EGFLAM: variants seen among roughly 807,000 people sequenced by gnomAD.
EGFLAM encodes the protein EGF like, fibronectin type III and laminin G domains, also known as pikachurin.
In EGFLAM, 79 loss-of-function variants were observed where a neutral mutation model predicts 113.1. That is an observed-to-expected ratio of 0.70 (90% CI 0.58 to 0.84). EGFLAM has a LOEUF of 0.84. Ranked by LOEUF, EGFLAM falls within the 40% of genes least tolerant of loss-of-function variation. The pLI, the probability that EGFLAM is intolerant of heterozygous loss-of-function variation, is 0.00. For synonymous variants in EGFLAM, 504 were observed against 487.6 expected (o/e 1.03, Z -0.44); for missense variants, 1,265 against 1,291.6 (o/e 0.98, Z 0.32).
In EGFLAM at chr5:38,353,440, C is replaced by T. The variant is rs148905117; in HGVS notation, c.545+1109C>T. Reference sequence around the variant, plus strand: ...TTCTGCATTCATAAAGAGACTGGTTCGGGACCTCATTCCTAAGGCTCTCTG... The same window carrying T: ...TTCTGCATTCATAAAGAGACTGGTTTGGGACCTCATTCCTAAGGCTCTCTG... On this transcript the variant is annotated intron_variant, in intron 5 of 21. Transcript: ENST00000322350. Among the ~76,000 whole-genome samples, 1,205 of 152,264 alleles carry T rather than the reference C, an allele frequency of 7.9e-3. 12 individuals are homozygous for T. Among genetic ancestry groups the T allele is most frequent in the African/African-American group, 0.027 (1,120 of 41,566 alleles).
At chr5:38,336,837 C>T (rs1252320610) in intron 1 of EGFLAM, among the ~76,000 whole-genome samples, 1 of 152,066 alleles carries the variant, frequency 6.6e-6, no homozygotes, top group Non-Finnish European at 1.5e-5. Context: ...TACACACACA[C>T]ACAAACACTT....
chr5:38,323,768 G>T (rs1738800692), intron 1 of EGFLAM, among the ~76,000 whole-genome samples: 1 of 151,942 alleles, frequency 6.6e-6, no homozygotes, highest in South Asian at 2.1e-4. Context: ...AGTTTTTTCG[G>T]CCAGGCACAG....
At chr5:38,334,345 C>G (rs1239034638) in intron 1 of EGFLAM, among the ~76,000 whole-genome samples, 1 of 152,284 alleles carries the variant, frequency 6.6e-6, no homozygotes, top group East Asian at 1.9e-4. Context: ...GCAGACAAGT[C>G]TAAGACCAAG....
intron 19 of EGFLAM, among the ~76,000 whole-genome samples, chr5:38,454,511 T>C (rs1380918768): frequency 6.6e-6 from 1 of 152,208 alleles, no homozygotes; most frequent in Non-Finnish European, 1.5e-5. Context: ...AAAATTATGA[T>C]CCTTGCTCAA....
At chr5:38,305,033 G>A (rs529437323) in intron 1 of EGFLAM, among the ~76,000 whole-genome samples, 1 of 152,120 alleles carries the variant, frequency 6.6e-6, no homozygotes, top group African/African-American at 2.4e-5. Context: ...AAAAAATAAA[G>A]AGATGGCAAA....
intron 1 of EGFLAM, among the ~76,000 whole-genome samples, chr5:38,299,181 C>T (rs1321369832): frequency 1.3e-5 from 2 of 152,154 alleles, no homozygotes; most frequent in Non-Finnish European, 2.9e-5. Context: ...TGTGCTGCCC[C>T]TCGGCTATGG....
rs969089179 is a variant in EGFLAM at position 38,289,277 on chromosome 5, C to G, written c.97+30426C>G. ...TGGCAATTACTCTTTCTTTCCCCGC[C>G]CCCACATTTCAGTTTCCAGGTCTTA... On this transcript the variant is annotated intron_variant, in intron 1 of 21. Transcript: ENST00000322350. Among the ~76,000 whole-genome samples, 26 of 146,530 alleles carry G rather than the reference C, an allele frequency of 1.8e-4. 1 individual carries two copies. The East Asian group carries it at 2.9e-3, about 16-fold the overall frequency.
chr5:38,403,926 T>C (rs1325162696), intron 6 of EGFLAM: 1 of 1,613,606 alleles, frequency 6.2e-7, no homozygotes, highest in South Asian at 1.1e-5. Flanking sequence ...GAATTTTCAG[T>C]TGACAGGTGG....
chr5:38,288,202 A>G (rs1372584336), intron 1 of EGFLAM, among the ~76,000 whole-genome samples: 1 of 152,198 alleles, frequency 6.6e-6, no homozygotes, highest in African/African-American at 2.4e-5. Flanking sequence ...TGGTCTGCAG[A>G]TTTAAAAAAA....
chr5:38,433,769 G>T (rs1335396243), intron 15 of EGFLAM, among the ~76,000 whole-genome samples: 1 of 152,198 alleles, frequency 6.6e-6, no homozygotes, highest in Admixed American at 6.5e-5. Flanking sequence ...TGTGGTGACA[G>T]TTCCTGACTG....
intron 17 of EGFLAM, among the ~76,000 whole-genome samples, chr5:38,440,273 T>C (rs1742490779): frequency 6.6e-6 from 1 of 152,172 alleles, no homozygotes; most frequent in Admixed American, 6.5e-5. Context: ...AGATTGTGTT[T>C]TGAAATCAAG....
chr5:38,263,987 A>G (rs1203807450), intron 1 of EGFLAM, among the ~76,000 whole-genome samples: 1 of 152,158 alleles, frequency 6.6e-6, no homozygotes, highest in Admixed American at 6.5e-5. Flanking sequence ...CCTATGCAGT[A>G]GATAGGGTAT....
At chr5:38,293,338 T>G (rs1178054770) in intron 1 of EGFLAM, among the ~76,000 whole-genome samples, 2 of 152,186 alleles carry the variant, frequency 1.3e-5, no homozygotes, top group Non-Finnish European at 2.9e-5. Flanking sequence ...GTAAAGTAAA[T>G]TAAATAAGGA....
chr5:38,286,911 GGCCTGGCCAGA>G (rs1250077106), intron 1 of EGFLAM, among the ~76,000 whole-genome samples: 3 of 152,178 alleles, frequency 2.0e-5, no homozygotes, highest in Non-Finnish European at 2.9e-5. Context: ...GAACACAGCA[GGCCTGGCCAGA>G]GCCTACCACA....
chr5:38,259,959 A>G (rs1303944224), intron 1 of EGFLAM, among the ~76,000 whole-genome samples: 1 of 152,212 alleles, frequency 6.6e-6, no homozygotes, highest in Non-Finnish European at 1.5e-5. Context: ...GACTTGTTGC[A>G]TTTCGGCTCT....
At position 38,436,037 on chromosome 5, in the gene EGFLAM, C is replaced by T. The variant is rs553425996; in HGVS notation, c.2283+784C>T. On this transcript the variant is annotated intron_variant, in intron 16 of 21. Coordinates refer to ENST00000322350, the MANE Select transcript of EGFLAM (RefSeq NM_152403.4). ...TTCACCATGTTGGCCAGGCTGGTCT[C>T]GAACTCCTGACCTTGTGATCTGCCC... is the stretch of plus-strand genomic sequence containing the variant. Among the ~76,000 whole-genome samples the T allele has an allele frequency of 3.9e-5, 6 of 152,120 alleles. No homozygotes were observed. The South Asian group carries it at 6.2e-4, about 16-fold the overall frequency.
In EGFLAM at chr5:38,464,130, C is replaced by T; in HGVS notation, c.*144C>T. ...GAAGAAAGTACACACTGATGAGAAA[C>T]TGAGAACCAAGACAGGCATCCCTGG... On this transcript the variant is annotated 3_prime_UTR_variant, in exon 22 of 22. Coordinates refer to ENST00000322350, the MANE Select transcript of EGFLAM (RefSeq NM_152403.4). 1.8e-6 allele frequency: 2 copies of T among 1,125,842 alleles called. No individual in the cohort carries two copies. The highest frequency in any genetic ancestry group is 2.5e-6 in the Non-Finnish European group (2 of 815,752). The allele number at this position is 1,125,842 out of a possible 1,614,324, so 69.7% of individuals were successfully genotyped here. A position where few individuals can be genotyped will look rare whatever the true frequency, so the allele number is the denominator to read the frequency against.
chr5:38,416,385 C>T (rs1217735980), intron 11 of EGFLAM, among the ~76,000 whole-genome samples: 1 of 152,184 alleles, frequency 6.6e-6, no homozygotes, highest in Non-Finnish European at 1.5e-5. Context: ...ATGGCTTCTG[C>T]CTGATCCAGT....
intron 5 of EGFLAM, among the ~76,000 whole-genome samples, chr5:38,363,467 C>T (rs958305636): frequency 6.6e-5 from 10 of 152,124 alleles, no homozygotes; most frequent in Non-Finnish European, 1.2e-4. Context: ...ATGTAGACAA[C>T]AAATCACAAT....
Sources: gnomAD v4.1 joint callset for allele counts (sites outside exome capture counted in the v4.1 genomes callset) on GRCh38, gnomAD v4.1.1 for gene constraint, MANE v1.5 for transcripts, NCBI Gene and HGNC (gene_info 2026-07-23, HGNC 2026-07-21) for gene names.